The following FANCC variants were observed in gnomAD, a reference collection of about 807,000 sequenced individuals.
FANCC encodes FA complementation group C, also known as Fanconi anemia group C protein.
In FANCC, 55 loss-of-function variants were observed where a neutral mutation model predicts 71.3. The ratio of observed to expected loss-of-function variants is 0.77; its 90% CI spans 0.62 to 0.97. The LOEUF is 0.97. FANCC is among the 50% of genes least tolerant of loss of function. The pLI, the probability that FANCC is intolerant of heterozygous loss-of-function variation, is 0.00. For missense variants in FANCC, 678 were observed against 670.9 expected (o/e 1.01, Z -0.12); for synonymous variants, 275 against 244.9 (o/e 1.12, Z -1.15).
intron 4 of FANCC, among the ~76,000 whole-genome samples, chr9:95,179,267 C>T (rs888047149): frequency 6.6e-6 from 1 of 152,136 alleles, no homozygotes; most frequent in Non-Finnish European, 1.5e-5. Flanking sequence ...GAAATACAAA[C>T]TCTCAGACAA....
At position 95,260,943 on chromosome 9, in the gene FANCC, C is replaced by T. The variant is rs375095671; in HGVS notation, c.-78-11574G>A. On this transcript the variant is annotated intron_variant, in intron 1 of 14. Coordinates refer to ENST00000289081, the MANE Select transcript of FANCC (RefSeq NM_000136.3). ...AGATAACAGTCCTAGCACTTGCTCC[C>T]TCCTTTTCCTTCCAGTCCTCAAATA... Among the ~76,000 whole-genome samples the T allele has an allele frequency of 1.2e-4, 18 of 152,282 alleles. No homozygotes were observed. In the South Asian group the frequency reaches 1.9e-3, roughly 16 times the overall value.
At chr9:95,207,504 C>T (rs539253176) in intron 4 of FANCC, among the ~76,000 whole-genome samples, 7 of 152,122 alleles carry the variant, frequency 4.6e-5, no homozygotes, top group Non-Finnish European at 1.0e-4. Flanking sequence ...CCACCAAAAG[C>T]CATAAAATCC....
intron 1 of FANCC, among the ~76,000 whole-genome samples, chr9:95,257,601 T>C (rs1316056491): frequency 1.3e-5 from 2 of 152,122 alleles, no homozygotes; most frequent in African/African-American, 4.8e-5. Flanking sequence ...ATTGACATCC[T>C]AACATCACAA....
chr9:95,218,046 C>T (rs545018506), intron 4 of FANCC, among the ~76,000 whole-genome samples: 5 of 152,186 alleles, frequency 3.3e-5, no homozygotes, highest in East Asian at 3.9e-4. Flanking sequence ...CAAGAAGAAA[C>T]AGAGAACCTG....
At chr9:95,298,198 GTATT>G (rs1481996641) in intron 1 of FANCC, among the ~76,000 whole-genome samples, 4 of 152,064 alleles carry the variant, frequency 2.6e-5, no homozygotes, top group Non-Finnish European at 4.4e-5. Flanking sequence ...AGAACACATA[GTATT>G]TAGTATTTAG....
At chr9:95,293,012 G>A in intron 1 of FANCC, 1 of 1,586,362 alleles carries the variant, frequency 6.3e-7, no homozygotes, top group Non-Finnish European at 8.7e-7. Flanking sequence ...CACCTAGTAA[G>A]AAAAGGAAAA....
At chr9:95,223,414 C>T (rs1026175573) in intron 4 of FANCC, among the ~76,000 whole-genome samples, 3 of 152,140 alleles carry the variant, frequency 2.0e-5, no homozygotes, top group Non-Finnish European at 2.9e-5. Context: ...TCTAAATTTC[C>T]CCTCTTTATA....
intron 1 of FANCC, among the ~76,000 whole-genome samples, chr9:95,315,860 T>C (rs1227643992): frequency 6.6e-6 from 1 of 152,204 alleles, no homozygotes; most frequent in Non-Finnish European, 1.5e-5. Context: ...ACGAAATTTG[T>C]ATAATTGTTA....
rs376082182 is a variant in FANCC at position 95,276,862 on chromosome 9, A to G, written c.-78-27493T>C. Among the ~76,000 whole-genome samples, 24 of 152,336 alleles carry G rather than the reference A, an allele frequency of 1.6e-4. No individual in the cohort carries two copies. The East Asian group carries it at 2.1e-3, about 13-fold the overall frequency. On this transcript the variant is annotated intron_variant, in intron 1 of 14. Coordinates refer to ENST00000289081, the MANE Select transcript of FANCC (RefSeq NM_000136.3). ...CCCAGAGAATACTCGCCCACAGTAC[A>G]TGAGGCTGCAGCGTCTACTCTGAGA...
rs1564665501 is a variant in FANCC at position 95,125,077 on chromosome 9, A to AT, written c.996+8dup. 6.2e-7 allele frequency: 1 copy of AT among 1,611,616 alleles called. No individual in the cohort carries two copies. The highest frequency in any genetic ancestry group is 1.1e-5 in the South Asian group (1 of 91,024). ...GGGATGAATGAGTAATATATGTGAT[A>AT]TAACAAACCTGCTTGCTTGCTTTCT... is the stretch of plus-strand genomic sequence containing the variant. On this transcript the variant is annotated intron_variant, in intron 10 of 14. Transcript: ENST00000289081.
intron 1 of FANCC, among the ~76,000 whole-genome samples, chr9:95,273,609 C>T (rs570692809): frequency 3.8e-4 from 58 of 152,314 alleles, no homozygotes; most frequent in African/African-American, 1.4e-3. Context: ...CTGTCTGTGG[C>T]TTTTTTTGTT....
chr9:95,162,748 T>C (rs1244030344), intron 6 of FANCC, among the ~76,000 whole-genome samples: 1 of 152,238 alleles, frequency 6.6e-6, no homozygotes, highest in Non-Finnish European at 1.5e-5. Context: ...TGTTGGTCAT[T>C]TGTATATATT....
chr9:95,120,949 C>T (rs1480779149), intron 10 of FANCC, among the ~76,000 whole-genome samples: 1 of 152,064 alleles, frequency 6.6e-6, no homozygotes, highest in African/African-American at 2.4e-5. Flanking sequence ...AAGTTCTGGC[C>T]CTCTCCTGGC....
chr9:95,118,726 G>A (rs745539584), intron 10 of FANCC, among the ~76,000 whole-genome samples: 1 of 152,190 alleles, frequency 6.6e-6, no homozygotes, highest in African/African-American at 2.4e-5. Context: ...ATTAAGCCAC[G>A]TTATTGTGTG....
At chr9:95,284,101 A>G (rs1833532668) in intron 1 of FANCC, among the ~76,000 whole-genome samples, 1 of 152,238 alleles carries the variant, frequency 6.6e-6, no homozygotes, top group Non-Finnish European at 1.5e-5. Flanking sequence ...GTAGAAACCA[A>G]TGTCTTTCTC....
chr9:95,147,283 C>T (rs1419638886), intron 7 of FANCC, among the ~76,000 whole-genome samples: 12 of 152,036 alleles, frequency 7.9e-5, no homozygotes, highest in Admixed American at 3.3e-4. Flanking sequence ...TTTGGGAGGC[C>T]GAGGTGGGTG....
intron 1 of FANCC, among the ~76,000 whole-genome samples, 178 bp from the exon 2 acceptor site, chr9:95,249,547 T>A (rs1399714803): frequency 6.6e-6 from 1 of 152,200 alleles, no homozygotes; most frequent in Non-Finnish European, 1.5e-5. Flanking sequence ...ATTTTTACCA[T>A]CTGAACTTTT....
At chr9:95,294,808 T>C (rs995405985) in intron 1 of FANCC, 11 of 1,541,708 alleles carry the variant, frequency 7.1e-6, no homozygotes, top group African/African-American at 1.4e-5. Context: ...CTCCAACTTC[T>C]AAAACTAACA....
At chr9:95,182,953 C>T (rs926209772) in intron 4 of FANCC, among the ~76,000 whole-genome samples, 2 of 152,026 alleles carry the variant, frequency 1.3e-5, no homozygotes, top group African/African-American at 2.4e-5. Context: ...CCCCCTAAGG[C>T]TCCCGGCCCC....
Sources: allele counts gnomAD v4.1 joint callset (sites outside exome capture counted in the v4.1 genomes callset), GRCh38; gene constraint gnomAD v4.1.1; transcripts MANE v1.5; gene names NCBI Gene and HGNC (gene_info 2026-07-23, HGNC 2026-07-21).